APC: variants seen among roughly 807,000 people sequenced by gnomAD.
APC encodes the protein adenomatous polyposis coli protein.
A neutral mutation model predicts 247.0 loss-of-function variants in APC; 72 were observed. The observed-to-expected ratio is 0.29, with a 90% CI of 0.24 to 0.35. APC has a LOEUF of 0.35. APC is among the 10% of genes least tolerant of loss of function. APC has a pLI of 1.00. For synonymous variants in APC, 1,254 were observed against 1,162.5 expected (o/e 1.08, Z -1.60); for missense variants, 3,400 against 3,360.7 (o/e 1.01, Z -0.29).
intron 7 of APC, among the ~76,000 whole-genome samples, chr5:112,795,767 C>T (rs777900801): frequency 6.6e-6 from 1 of 152,194 alleles, no homozygotes; most frequent in Non-Finnish European, 1.5e-5. Flanking sequence ...GCACCCTTTT[C>T]TGGAACCTAT....
rs570491027 is a variant in APC, at chr5:112,777,701, A to G, written c.531+1964A>G. On this transcript the variant is annotated intron_variant, in intron 5 of 15. Transcript: ENST00000257430. ...TAGTTTCTCTTTTATAAGCAATTAC[A>G]TTTTGAGGACCCTTCATATTTGCCT... 3.1e-3 allele frequency: 687 copies of G among 223,358 alleles called. 3 individuals carry two copies. The highest frequency in any genetic ancestry group is 5.2e-3 in the Non-Finnish European group (509 of 98,052). 13.8% of individuals were successfully genotyped at this position (223,358 alleles called of 1,614,324 possible). A position where few individuals can be genotyped will look rare whatever the true frequency, so the allele number is the denominator to read the frequency against.
chr5:112,845,557 C>T lies in APC; in HGVS notation c.*1431C>T, dbSNP rs1766911409. ...TTTGCCATGCTCAGAAAATTCAAAT[C>T]ACATGGAACTTTAGAGGTAGATTTA... On this transcript the variant is annotated 3_prime_UTR_variant, in exon 16 of 16. Coordinates refer to ENST00000257430, the MANE Select transcript of APC (RefSeq NM_000038.6). 4.3e-6 allele frequency: 1 copy of T among 232,812 alleles called. No homozygotes were observed. The highest frequency in any genetic ancestry group is 8.5e-6 in the Non-Finnish European group (1 of 117,614). 14.4% of individuals were successfully genotyped at this position (232,812 alleles called of 1,614,324 possible). A position where few individuals can be genotyped will look rare whatever the true frequency, so the allele number is the denominator to read the frequency against.
intron 2 of APC, among the ~76,000 whole-genome samples, chr5:112,758,055 T>A (rs1755192453): frequency 6.6e-6 from 1 of 152,122 alleles, no homozygotes; most frequent in African/African-American, 2.4e-5. Context: ...TGGATATGGG[T>A]GTAGATGAGA....
chr5:112,785,836 T>C (rs904955770), intron 6 of APC, among the ~76,000 whole-genome samples: 1 of 152,152 alleles, frequency 6.6e-6, no homozygotes, highest in Non-Finnish European at 1.5e-5. Context: ...ATAGGTTGAT[T>C]AGCTATTCAA....
chr5:112,784,567 A>G (rs1372983893), intron 6 of APC, among the ~76,000 whole-genome samples: 2 of 152,218 alleles, frequency 1.3e-5, no homozygotes, highest in African/African-American at 2.4e-5. Context: ...AATAGTATGC[A>G]AGCTATTATA....
chr5:112,781,023 C>G lies in APC; in HGVS notation c.645+120C>G, dbSNP rs150899856. 2.0e-5 allele frequency: 15 copies of G among 752,022 alleles called. No individual in the cohort carries two copies. The East Asian group carries it at 3.6e-4, about 18-fold the overall frequency. The allele number at this position is 752,022 out of a possible 1,614,324, so 46.6% of individuals were successfully genotyped here. On this transcript the variant is annotated intron_variant, in intron 6 of 15. Coordinates refer to ENST00000257430, the MANE Select transcript of APC (RefSeq NM_000038.6). ...ACATAAGGCTGTGTTTATTTTGGCT[C>G]TATTTCAAAATAAGATTTATCATGG...
chr5:112,843,416 G>A lies in APC; in HGVS notation c.7822G>A (p.Ala2608Thr), dbSNP rs878853471. Reference sequence around the variant, plus strand: ...ACAAAGTAAAGAAAACCAAGTATCCGCAAAAGGAACATGGAGAAAAATAAA... The same window carrying A: ...ACAAAGTAAAGAAAACCAAGTATCCACAAAAGGAACATGGAGAAAAATAAA... ...TKQSKENQVS[A>T]KGTWRKIKEN... Residue 2608 changes from alanine to threonine, a missense_variant, in exon 16 of 16, where the codon GCA (alanine) becomes ACA (threonine). Ala to Thr is a moderately conservative substitution (Grantham distance 58, BLOSUM62 0). Coordinates refer to ENST00000257430, the MANE Select transcript of APC (RefSeq NM_000038.6). This position sits in a 1 kb window ranked among gnomAD's most constrained non-coding sequence, Gnocchi z 4.8. 9 of 1,612,752 alleles carry A rather than the reference G, an allele frequency of 5.6e-6. No individual in the cohort carries two copies. Among genetic ancestry groups the A allele is most frequent in the Admixed American group, 5.0e-5 (3 of 59,890 alleles).
At chr5:112,732,103 C>T (rs1227733774) in intron 1 of APC, among the ~76,000 whole-genome samples, 2 of 152,154 alleles carry the variant, frequency 1.3e-5, no homozygotes, top group African/African-American at 4.8e-5. Flanking sequence ...CATATTTTTT[C>T]TCATGTTAAT....
intron 7 of APC, among the ~76,000 whole-genome samples, chr5:112,793,012 G>C (rs1028987304): frequency 2.0e-5 from 3 of 152,038 alleles, no homozygotes; most frequent in Admixed American, 2.0e-4. Context: ...ATATCAGAGA[G>C]GGTTGACCCA....
At chr5:112,816,466 A>G (rs1762522567) in intron 9 of APC, among the ~76,000 whole-genome samples, 1 of 152,166 alleles carries the variant, frequency 6.6e-6, no homozygotes, top group Admixed American at 6.5e-5. Flanking sequence ...GTTAGCAAAT[A>G]TTTTAGGATT....
Position 112,839,917 on chromosome 5 carries a change from A to G in APC, c.4323A>G (p.Pro1441=). Residue 1441 remains proline (P), a synonymous_variant, in exon 16 of 16, where the codon CCA becomes CCG. Coordinates refer to ENST00000257430, the MANE Select transcript of APC (RefSeq NM_000038.6). This position sits in a 1 kb window ranked among gnomAD's most constrained non-coding sequence, Gnocchi z 5.0. ...MPPSRSKTPP[P]PPQTAQTKRE... ...CAAGCAGAAGTAAAACACCTCCACC[A>G]CCTCCTCAAACAGCTCAAACCAAGC... 6.2e-7 allele frequency: 1 copy of G among 1,613,884 alleles called. No individual in the cohort carries two copies.
chr5:112,723,811 A>G (rs770237664), intron 1 of APC, among the ~76,000 whole-genome samples: 3 of 152,206 alleles, frequency 2.0e-5, no homozygotes, highest in Non-Finnish European at 4.4e-5. Flanking sequence ...TTGCTCTAGT[A>G]TAAGAGTTTT....
At chr5:112,786,116 G>T (rs992584163) in intron 6 of APC, among the ~76,000 whole-genome samples, 2 of 152,148 alleles carry the variant, frequency 1.3e-5, no homozygotes, top group Admixed American at 6.6e-5. Context: ...AGGGGGTTTT[G>T]CTGGTTGCCC....
At chr5:112,729,365 G>A (rs1240770369) in intron 1 of APC, among the ~76,000 whole-genome samples, 2 of 152,226 alleles carry the variant, frequency 1.3e-5, no homozygotes, top group Non-Finnish European at 2.9e-5. Context: ...TAGAAAGTGT[G>A]AGGATAGCAC....
intron 2 of APC, among the ~76,000 whole-genome samples, chr5:112,759,352 C>CT (rs1467617954): frequency 2.9e-5 from 4 of 137,456 alleles, no homozygotes; most frequent in South Asian, 2.3e-4. Context: ...TTCTTTCTTT[C>CT]TTTCTTTTTT....
chr5:112,707,514 A>G (rs554351451), upstream of APC: 172 of 461,702 alleles, frequency 3.7e-4, 2 homozygotes, highest in Admixed American at 5.4e-3. Flanking sequence ...TAGTCTTCCC[A>G]CCTCCCACAA....
In APC at chr5:112,792,535, T is replaced by C; in HGVS notation, c.729+6T>C. The C allele has an allele frequency of 6.2e-7, 1 of 1,607,826 alleles. No homozygotes were observed. Among genetic ancestry groups the C allele is most frequent in the Non-Finnish European group, 8.5e-7 (1 of 1,174,888 alleles). On this transcript the variant is annotated splice_donor_region_variant and intron_variant, in intron 7 of 15. Coordinates refer to ENST00000257430, the MANE Select transcript of APC (RefSeq NM_000038.6). ...CCCAAGCAACAGAAGCAGAGGTTAG[T>C]AAATTGCCTTTCTTGTTTGTGGGTA... is the stretch of plus-strand genomic sequence containing the variant.
intron 8 of APC, among the ~76,000 whole-genome samples, chr5:112,806,552 C>CTTTA (rs66460614): frequency 0.14 from 20,992 of 145,606 alleles, 1,854 homozygotes; most frequent in African/African-American, 0.24. Flanking sequence ...TGGTTCTCAA[C>CTTTA]TTTATTTATT....
At chr5:112,837,287 C>T (rs538697163) in intron 15 of APC, among the ~76,000 whole-genome samples, 8 of 152,230 alleles carry the variant, frequency 5.3e-5, no homozygotes, top group Non-Finnish European at 1.2e-4. Context: ...TGTGCCCCAC[C>T]CCCTGCAAAT....
Sources: gnomAD v4.1 joint callset for allele counts (sites outside exome capture counted in the v4.1 genomes callset) on GRCh38, gnomAD v4.1.1 for gene constraint, Gnocchi (gnomAD v3.1) non-coding constraint, MANE v1.5 for transcripts, NCBI Gene and HGNC (gene_info 2026-07-23, HGNC 2026-07-21) for gene names.